Variants in AGAP1 observed in about 807,000 individuals in gnomAD.
AGAP1 encodes ArfGAP with GTPase domain, ankyrin repeat and PH domain 1, also known as arf-GAP with GTPase, ANK repeat and PH domain-containing protein 1.
Under a neutral mutation model 105.3 loss-of-function variants are expected in AGAP1, and 29 were observed. The ratio of observed to expected loss-of-function variants is 0.28; its 90% CI spans 0.21 to 0.38. The LOEUF is 0.38. Ranked by LOEUF, AGAP1 falls within the 10% of genes least tolerant of loss-of-function variation. The pLI is 1.00. For synonymous variants in AGAP1, 509 were observed against 485.9 expected, an observed-to-expected ratio of 1.05 and a Z score of -0.63; for missense variants, 998 against 1,165.1, an observed-to-expected ratio of 0.86 and a Z score of 2.09.
In AGAP1 at chr2:235,717,562, T is replaced by C; in HGVS notation, c.228T>C (p.Ile76=). ...SRSVPELKVG[I]VGNLASGKSA... is the part of the protein sequence containing the mutation. ...GTTGTCCGTTTCTGTTTCAGGGAAT[T>C]GTGGGTAACTTGGCCAGCGGCAAGT... The change falls in exon 3 of 18, where the codon ATT becomes ATC. Residue 76 remains isoleucine (I), a synonymous_variant. Coordinates refer to ENST00000304032, the MANE Select transcript of AGAP1 (RefSeq NM_001037131.3). 6.3e-7 allele frequency: 1 copy of C among 1,593,746 alleles called. No homozygotes were observed. The highest frequency in any genetic ancestry group is 8.5e-7 in the Non-Finnish European group (1 of 1,174,820).
In AGAP1 at chr2:235,918,084, C is replaced by A. The variant is rs184223622; in HGVS notation, c.1324+9178C>A. ...CCTGGATGAGCAGTGTCAGTCCACA[C>A]CTGTCCCCTGCCGGCATGCGGTGTG... On this transcript the variant is annotated intron_variant, in intron 11 of 17. Coordinates refer to ENST00000304032, the MANE Select transcript of AGAP1 (RefSeq NM_001037131.3). Among the ~76,000 whole-genome samples, 6 of 152,364 alleles carry A rather than the reference C, an allele frequency of 3.9e-5. No individual in the cohort carries two copies. In the East Asian group the frequency reaches 1.2e-3, roughly 29 times the overall value.
chr2:236,110,174 T>C lies in AGAP1; in HGVS notation c.2115-10018T>C, dbSNP rs533354632. ...ATAGGACCTTCCTCACTAGGTGTTG[T>C]TAGAATTAAACCAGGTAATTGTGTA... is the stretch of plus-strand genomic sequence containing the variant. On this transcript the variant is annotated intron_variant, in intron 16 of 17. Transcript: ENST00000304032. Among the ~76,000 whole-genome samples the C allele has an allele frequency of 2.0e-5, 3 of 152,282 alleles. 1 individual carries two copies. In the South Asian group the frequency reaches 6.2e-4, roughly 32 times the overall value.
chr2:235,568,969 C>T (rs1944434330), intron 1 of AGAP1, among the ~76,000 whole-genome samples: 1 of 152,206 alleles, frequency 6.6e-6, no homozygotes, highest in Non-Finnish European at 1.5e-5. Context: ...TAGTTCAAGA[C>T]ACCCTCACCT....
chr2:235,785,500 G>A (rs1036072454), intron 6 of AGAP1, among the ~76,000 whole-genome samples: 10 of 151,956 alleles, frequency 6.6e-5, no homozygotes, highest in South Asian at 2.1e-4. Context: ...GAACTCTTGC[G>A]TCTCCTGTTC....
intron 6 of AGAP1, among the ~76,000 whole-genome samples, chr2:235,758,054 C>T (rs539869151): frequency 1.9e-4 from 29 of 152,112 alleles, no homozygotes; most frequent in South Asian, 4.1e-4. Context: ...TTTTCATTGT[C>T]GGGGTGGCCT....
chr2:235,636,370 CAG>C (rs1181369897), intron 1 of AGAP1, among the ~76,000 whole-genome samples: 3 of 152,240 alleles, frequency 2.0e-5, no homozygotes, highest in African/African-American at 4.8e-5. Flanking sequence ...CACACCCACT[CAG>C]GGAGCGTTTG....
rs1944657495 is a variant in AGAP1, at chr2:235,574,046, C to T, written c.163+79197C>T. On this transcript the variant is annotated intron_variant, in intron 1 of 17. Coordinates refer to ENST00000304032, the MANE Select transcript of AGAP1 (RefSeq NM_001037131.3). The surrounding 1 kb of genome is among the most constrained non-coding windows in gnomAD (Gnocchi z 5.0). ...CACCAGACCCTGACTGTTAGCTGGT[C>T]AGGGAGGCAGGGCCTGGGTGCCTTG... is the stretch of plus-strand genomic sequence containing the variant. 6.6e-6 allele frequency among the ~76,000 whole-genome samples: 1 copy of T among 152,196 alleles called. No individual in the cohort carries two copies. The highest frequency in any genetic ancestry group is 1.5e-5 in the Non-Finnish European group (1 of 68,032).
At chr2:235,980,308 C>T (rs779579795) in intron 13 of AGAP1, among the ~76,000 whole-genome samples, 1 of 152,192 alleles carries the variant, frequency 6.6e-6, no homozygotes, top group Non-Finnish European at 1.5e-5. Context: ...TGTACATCGT[C>T]ATCCCAGGAT....
chr2:235,740,753 A>T lies in AGAP1; in HGVS notation c.311-210A>T, dbSNP rs1163286450. Among the ~76,000 whole-genome samples the T allele has an allele frequency of 6.6e-6, 1 of 152,272 alleles. No individual in the cohort carries two copies. The highest frequency in any genetic ancestry group is 2.4e-5 in the African/African-American group (1 of 41,478). On this transcript the variant is annotated intron_variant, in intron 3 of 17. Transcript: ENST00000304032. This position sits in a 1 kb window ranked among gnomAD's most constrained non-coding sequence, Gnocchi z 5.7. The stretch of plus-strand genomic sequence containing the variant: ...ATTGCGAAGGAAGCTGTGCCTTCCA[A>T]CTGGAAACGCACAGGGGTTCTTAAA...
chr2:236,100,849 A>C (rs1218635722), intron 16 of AGAP1, among the ~76,000 whole-genome samples: 4 of 151,466 alleles, frequency 2.6e-5, no homozygotes, highest in Non-Finnish European at 4.4e-5. Context: ...AAAAAAAAAA[A>C]TTAGTTGAGA....
intron 1 of AGAP1, among the ~76,000 whole-genome samples, chr2:235,671,814 A>C (rs1948448350): frequency 6.6e-6 from 1 of 152,154 alleles, no homozygotes; most frequent in South Asian, 2.1e-4. Flanking sequence ...CTTTGCATGG[A>C]GGGATCTCCA....
intron 16 of AGAP1, among the ~76,000 whole-genome samples, chr2:236,063,987 T>G (rs1255194593): frequency 6.6e-6 from 1 of 152,160 alleles, no homozygotes; most frequent in Non-Finnish European, 1.5e-5. Context: ...ACATACATAA[T>G]CATGATGACT....
intron 9 of AGAP1, among the ~76,000 whole-genome samples, chr2:235,817,702 C>T (rs923247461): frequency 3.3e-5 from 5 of 152,106 alleles, no homozygotes; most frequent in African/African-American, 1.2e-4. Context: ...ACCAGCCTGG[C>T]CAACATGGCG....
At chr2:235,766,523 A>ACTC (rs2149815724) in intron 6 of AGAP1, among the ~76,000 whole-genome samples, 1 of 152,290 alleles carries the variant, frequency 6.6e-6, no homozygotes, top group African/African-American at 2.4e-5. Context: ...AATAAGATAC[A>ACTC]CTCCGTAAAG....
chr2:236,019,652 A>T (rs1029739861), intron 13 of AGAP1, among the ~76,000 whole-genome samples: 6 of 152,202 alleles, frequency 3.9e-5, no homozygotes, highest in South Asian at 2.1e-4. Flanking sequence ...GGGGCTTAGT[A>T]CAGAGCCTGC....
At chr2:235,998,967 G>T (rs1157258760) in intron 13 of AGAP1, among the ~76,000 whole-genome samples, 1 of 146,846 alleles carries the variant, frequency 6.8e-6, no homozygotes, top group African/African-American at 2.5e-5. Flanking sequence ...GAGGTTATAG[G>T]GCTGGTGGTG....
rs1379592481 is a variant in AGAP1, at chr2:236,050,591, TTTTAA to T, written c.2114+1312_2114+1316del. Among the ~76,000 whole-genome samples the T allele has an allele frequency of 2.0e-5, 3 of 152,160 alleles. No individual in the cohort carries two copies. Among genetic ancestry groups the T allele is most frequent in the African/African-American group, 7.2e-5 (3 of 41,456 alleles). ...AACAAGCTTAAAAGATGAATTCATGTTTTAATATCTATTTTTTCACAGATAATGAT... is the reference window on the plus strand; with the variant it reads ...AACAAGCTTAAAAGATGAATTCATGTTATCTATTTTTTCACAGATAATGAT... On this transcript the variant is annotated intron_variant, in intron 16 of 17. Coordinates refer to ENST00000304032, the MANE Select transcript of AGAP1 (RefSeq NM_001037131.3). The surrounding 1 kb of genome is among the most constrained non-coding windows in gnomAD (Gnocchi z 4.0).
chr2:235,951,797 C>T lies in AGAP1; in HGVS notation c.1484-16665C>T, dbSNP rs1352952790. ...CACCACACCAGTCTCCCAGTCCCAT[C>T]ACACACAGGCAGTTTTTACACCAGC... is the stretch of plus-strand genomic sequence containing the variant. On this transcript the variant is annotated intron_variant, in intron 12 of 17. Transcript: ENST00000304032. This position sits in a 1 kb window ranked among gnomAD's most constrained non-coding sequence, Gnocchi z 4.2. 1.3e-5 allele frequency among the ~76,000 whole-genome samples: 2 copies of T among 152,096 alleles called. No homozygotes were observed.
rs999856053 is a variant in AGAP1 at position 236,005,565 on chromosome 2, G to A, written c.1646-30996G>A. On this transcript the variant is annotated intron_variant, in intron 13 of 17. Transcript: ENST00000304032. This position sits in a 1 kb window ranked among gnomAD's most constrained non-coding sequence, Gnocchi z 4.1. ...ATCTCTTTAGCTTTAACCTCATGCC[G>A]TGTCTCTGTTCCAGGATCCAAATCC... is the stretch of plus-strand genomic sequence containing the variant. Among the ~76,000 whole-genome samples the A allele has an allele frequency of 1.8e-4, 27 of 152,150 alleles. No homozygotes were observed. The highest frequency in any genetic ancestry group is 5.1e-4 in the African/African-American group (21 of 41,428).
Sources: gnomAD v4.1 joint callset for allele counts (sites outside exome capture counted in the v4.1 genomes callset) on GRCh38, gnomAD v4.1.1 for gene constraint, Gnocchi (gnomAD v3.1) non-coding constraint, MANE v1.5 for transcripts, NCBI Gene and HGNC (gene_info 2026-07-23, HGNC 2026-07-21) for gene names.